The following PRSS23 variants were observed in gnomAD, a reference collection of about 807,000 sequenced individuals.
The protein encoded by PRSS23 is serine protease 23, also known as protease, serine 23.
PRSS23 carries 25 observed loss-of-function variants against 34.7 expected under a neutral mutation model. The observed-to-expected ratio is 0.72, with a 90% CI of 0.53 to 1.01. The LOEUF is 1.01. Among genes scored for constraint, PRSS23 ranks in the 50% least tolerant of loss-of-function variants. PRSS23 has a pLI of 0.00. For synonymous variants in PRSS23, 176 were observed against 186.6 expected, an observed-to-expected ratio of 0.94 and a Z score of 0.46; for missense variants, 445 against 475.6, an observed-to-expected ratio of 0.94 and a Z score of 0.60.
chr11:86,879,840 C>T (rs1375715034), intron 2 of PRSS23, among the ~76,000 whole-genome samples: 33 of 136,708 alleles, frequency 2.4e-4, no homozygotes, highest in African/African-American at 3.5e-4. Context: ...CAGCCCCCCG[C>T]CCGGCCAGCC....
In PRSS23 at chr11:86,865,037, G is replaced by C. The variant is rs1948640897; in HGVS notation, c.206+41444G>C. On this transcript the variant is annotated intron_variant, in intron 2 of 2. Transcript: ENST00000533902. Reference sequence around the variant, plus strand: ...ACATCTACAAAGTTCCTTTTTCCAGGTAAGGTAAAACATTCCCAGAGACTA... The same window carrying C: ...ACATCTACAAAGTTCCTTTTTCCAGCTAAGGTAAAACATTCCCAGAGACTA... 1.3e-5 allele frequency among the ~76,000 whole-genome samples: 2 copies of C among 152,122 alleles called. 1 individual carries two copies. The highest frequency in any genetic ancestry group is 4.8e-5 in the African/African-American group (2 of 41,410).
At chr11:86,937,667 T>A (rs1022312470) in intron 2 of PRSS23, 2 of 152,238 alleles carry the variant, frequency 1.3e-5, no homozygotes, top group Non-Finnish European at 2.9e-5. Flanking sequence ...GAAGTTACCC[T>A]ATATGGTCTA....
intron 2 of PRSS23, among the ~76,000 whole-genome samples, chr11:86,830,203 C>A (rs971890336): frequency 5.9e-5 from 9 of 152,202 alleles, no homozygotes; most frequent in Non-Finnish European, 1.2e-4. Context: ...TGGTGGGCGC[C>A]CCTCCCCCAG....
Position 86,807,768 on chromosome 11 carries a change from C to G in PRSS23, c.125C>G (p.Pro42Arg), listed in dbSNP as rs764407654. 3 of 1,614,112 alleles carry G rather than the reference C, an allele frequency of 1.9e-6. No homozygotes were observed. Among genetic ancestry groups the G allele is most frequent in the Non-Finnish European group, 8.5e-7 (1 of 1,180,020 alleles). Residue 42 changes from proline (P) to arginine (R), a missense_variant, in exon 2 of 2, where the codon CCC becomes CGC. Transcript: ENST00000280258. ...GCATACCGCCTCCCTGTCGTCTTGC[C>G]CCAGTCTACCCTCAATTTAGCCAAG... ...WPAYRLPVVLPQSTLNLAKPD... is the reference protein window; with the variant it reads ...WPAYRLPVVLRQSTLNLAKPD...
intron 2 of PRSS23, among the ~76,000 whole-genome samples, chr11:86,881,466 A>G (rs997597249): frequency 6.6e-6 from 1 of 151,582 alleles, no homozygotes; most frequent in African/African-American, 2.4e-5. Flanking sequence ...CTTGGTGTAT[A>G]TTTTTTTTAA....
At chr11:86,852,774 G>A (rs1239390925) in intron 2 of PRSS23, among the ~76,000 whole-genome samples, 1 of 152,088 alleles carries the variant, frequency 6.6e-6, no homozygotes, top group Non-Finnish European at 1.5e-5. Flanking sequence ...ACCCCTGGGG[G>A]CCACCATTCT....
intron 2 of PRSS23, among the ~76,000 whole-genome samples, chr11:86,844,953 G>T (rs1320121544): frequency 6.6e-6 from 1 of 152,160 alleles, no homozygotes; most frequent in Admixed American, 6.5e-5. Context: ...GCTGGCCATA[G>T]TGGTGCATAC....
intron 2 of PRSS23, among the ~76,000 whole-genome samples, chr11:86,862,819 TA>T (rs761614176): frequency 4.0e-5 from 6 of 151,352 alleles, no homozygotes; most frequent in Non-Finnish European, 8.9e-5. Context: ...CATAATATCC[TA>T]GGGGGGTGTT....
chr11:86,931,328 G>GA (rs1313534112), intron 2 of PRSS23, among the ~76,000 whole-genome samples: 1 of 151,922 alleles, frequency 6.6e-6, no homozygotes, highest in Admixed American at 6.6e-5. Context: ...AAATGATGAA[G>GA]AAAAAAGCCA....
At chr11:86,857,575 T>A (rs1375384660) in intron 2 of PRSS23, 3 of 486,964 alleles carry the variant, frequency 6.2e-6, no homozygotes, top group African/African-American at 5.9e-5. Context: ...ACACCAAAAC[T>A]AAGAAGACAC....
At chr11:86,897,682 G>A (rs573990031) in intron 2 of PRSS23, among the ~76,000 whole-genome samples, 2 of 152,072 alleles carry the variant, frequency 1.3e-5, no homozygotes, top group African/African-American at 4.8e-5. Flanking sequence ...TGTTGCCCAG[G>A]CTAGTTTCAA....
chr11:86,825,114 T>C (rs1253338126), intron 2 of PRSS23, among the ~76,000 whole-genome samples: 1 of 151,980 alleles, frequency 6.6e-6, no homozygotes, highest in East Asian at 1.9e-4. Context: ...AAAGTGTTCC[T>C]ATTTCTCCAC....
At chr11:86,799,501 C>A (rs1948005337), upstream of PRSS23, among the ~76,000 whole-genome samples, 2 of 152,176 alleles carry the variant, frequency 1.3e-5, no homozygotes, top group South Asian at 2.1e-4. Context: ...AAAACCTCTC[C>A]AAACCTCCTG....
At chr11:86,806,995 G>A (rs1216994419) in intron 1 of PRSS23, among the ~76,000 whole-genome samples, 1 of 152,140 alleles carries the variant, frequency 6.6e-6, no homozygotes, top group East Asian at 1.9e-4. Context: ...AGTAAAGGTT[G>A]TTGTAAATTC....
chr11:86,848,738 C>A (rs1264496299), intron 2 of PRSS23, among the ~76,000 whole-genome samples: 2 of 152,158 alleles, frequency 1.3e-5, no homozygotes, highest in Non-Finnish European at 2.9e-5. Flanking sequence ...AACCTGCCAA[C>A]CTCGTTGTTC....
At chr11:86,792,589 T>C (rs1054802936) in intron 1 of PRSS23, among the ~76,000 whole-genome samples, 2 of 152,078 alleles carry the variant, frequency 1.3e-5, no homozygotes, top group African/African-American at 4.8e-5. Flanking sequence ...TATTCAACAG[T>C]AGGGGAGGAG....
chr11:86,885,743 C>T (rs1948798352), intron 2 of PRSS23, among the ~76,000 whole-genome samples: 1 of 152,220 alleles, frequency 6.6e-6, no homozygotes. Context: ...TAAAATCTCT[C>T]TTTCTCTCTC....
chr11:86,942,183 G>C (rs1339428416), intron 2 of PRSS23, among the ~76,000 whole-genome samples: 1 of 152,206 alleles, frequency 6.6e-6, no homozygotes, highest in Non-Finnish European at 1.5e-5. Flanking sequence ...AAAGGAAAGG[G>C]AAGCAGGAAG....
chr11:86,877,365 G>C (rs1451949419), intron 2 of PRSS23, among the ~76,000 whole-genome samples: 1 of 152,128 alleles, frequency 6.6e-6, no homozygotes, highest in Admixed American at 6.5e-5. Flanking sequence ...CTTCTTACAC[G>C]GTTCCCGTTC....
Sources: allele counts gnomAD v4.1 joint callset (sites outside exome capture counted in the v4.1 genomes callset), GRCh38; gene constraint gnomAD v4.1.1; transcripts MANE v1.5; gene names NCBI Gene and HGNC (gene_info 2026-07-23, HGNC 2026-07-21).